Variants in KDM4C observed in about 807,000 individuals in gnomAD.
KDM4C encodes the protein lysine demethylase 4C, also known as lysine-specific demethylase 4C.
Under a neutral mutation model 129.3 loss-of-function variants are expected in KDM4C, and 81 were observed. The observed-to-expected ratio is 0.63, with a 90% confidence interval of 0.52 to 0.75. KDM4C has a LOEUF of 0.75. Ranked by LOEUF, KDM4C falls within the 30% of genes least tolerant of loss-of-function variation. KDM4C has a pLI of 0.00. For missense variants in KDM4C, 1,457 were observed against 1,304.0 expected (o/e 1.12, Z -1.81); for synonymous variants, 573 against 456.1 (o/e 1.26, Z -3.26).
rs1036656379 is a variant in KDM4C at position 7,046,502 on chromosome 9, G to A, written c.2260-360G>A. ...AGCACAAGGCTACACCGTCGTGTGT[G>A]CATTCTCTGCTCTAGAATTCTTGCA... On this transcript the variant is annotated intron_variant, in intron 15 of 21. Coordinates refer to ENST00000381309, the MANE Select transcript of KDM4C (RefSeq NM_015061.6). 3.3e-5 allele frequency among the ~76,000 whole-genome samples: 5 copies of A among 152,088 alleles called. No homozygotes were observed. The East Asian group carries it at 7.8e-4, about 24-fold the overall frequency.
At position 7,133,490 on chromosome 9, in the gene KDM4C, A is replaced by T. The variant is rs188445153; in HGVS notation, c.2781+5254A>T. ...TGTTATTTCAGTGGCTTTCTGTAAC[A>T]AACCCTGCTCCAGAGTAAGTTCACA... On this transcript the variant is annotated intron_variant, in intron 19 of 21. Coordinates refer to ENST00000381309, the MANE Select transcript of KDM4C (RefSeq NM_015061.6). Among the ~76,000 whole-genome samples, 8 of 152,316 alleles carry T rather than the reference A, an allele frequency of 5.3e-5. No individual in the cohort carries two copies. In the East Asian group the frequency reaches 1.5e-3, roughly 29 times the overall value.
chr9:7,130,646 C>G (rs1840521854), intron 19 of KDM4C, among the ~76,000 whole-genome samples: 1 of 152,222 alleles, frequency 6.6e-6, no homozygotes, highest in South Asian at 2.1e-4. Flanking sequence ...TGCATATGCC[C>G]ATGTGGCCAC....
intron 19 of KDM4C, among the ~76,000 whole-genome samples, chr9:7,130,925 A>ATTT (rs111274021): frequency 5.1e-4 from 73 of 142,644 alleles, no homozygotes; most frequent in African/African-American, 1.8e-3. Flanking sequence ...TGCCTGGCTA[A>ATTT]TTTTTTTTTT....
chr9:6,756,106 A>G (rs572578094), upstream of KDM4C, among the ~76,000 whole-genome samples: 9 of 152,308 alleles, frequency 5.9e-5, no homozygotes, highest in South Asian at 1.9e-3. Context: ...GGTGCACAAG[A>G]TTTCTAATAT....
At chr9:6,935,567 G>A (rs560374588) in intron 8 of KDM4C, among the ~76,000 whole-genome samples, 7 of 149,488 alleles carry the variant, frequency 4.7e-5, no homozygotes, top group South Asian at 2.2e-4. Flanking sequence ...ACAGGTGCGC[G>A]CCACCACGCC....
intron 17 of KDM4C, among the ~76,000 whole-genome samples, chr9:7,097,340 T>C (rs1331095527): frequency 6.6e-6 from 1 of 152,106 alleles, no homozygotes; most frequent in Non-Finnish European, 1.5e-5. Context: ...ACAGAAAACT[T>C]TGAGAGAAAC....
chr9:6,853,467 T>A (rs905740261), intron 5 of KDM4C, among the ~76,000 whole-genome samples: 3 of 152,046 alleles, frequency 2.0e-5, no homozygotes, highest in African/African-American at 7.2e-5. Context: ...CATTCCAGCC[T>A]GGACAACGGA....
intron 7 of KDM4C, among the ~76,000 whole-genome samples, chr9:6,891,554 T>C (rs1279971736): frequency 6.6e-6 from 1 of 152,140 alleles, no homozygotes; most frequent in East Asian, 1.9e-4. Context: ...GGGTTTCTTT[T>C]TGAGGTGATA....
At chr9:6,817,397 G>A (rs1832317740) in intron 4 of KDM4C, among the ~76,000 whole-genome samples, 1 of 151,850 alleles carries the variant, frequency 6.6e-6, no homozygotes, top group African/African-American at 2.4e-5. Context: ...TAAAGACAGG[G>A]TCTTCCTATG....
At chr9:6,862,402 GT>G (rs775753923) in intron 5 of KDM4C, among the ~76,000 whole-genome samples, 60 of 152,150 alleles carry the variant, frequency 3.9e-4, no homozygotes, top group Middle Eastern at 3.4e-3. Context: ...CAGTTTGCAT[GT>G]TACTTGTAGT....
At chr9:6,929,407 A>G (rs1441197616) in intron 8 of KDM4C, among the ~76,000 whole-genome samples, 1 of 151,662 alleles carries the variant, frequency 6.6e-6, no homozygotes, top group Non-Finnish European at 1.5e-5. Context: ...AATATCAGCT[A>G]ACATTTGAGA....
chr9:6,893,898 A>G (rs749198130), intron 8 of KDM4C, among the ~76,000 whole-genome samples: 27 of 152,226 alleles, frequency 1.8e-4, no homozygotes, highest in Non-Finnish European at 3.7e-4. Context: ...GACATCTTCA[A>G]AGTGATGGTG....
intron 1 of KDM4C, among the ~76,000 whole-genome samples, chr9:6,733,012 CA>C (rs1817404046): frequency 6.7e-6 from 1 of 149,670 alleles, no homozygotes; most frequent in Non-Finnish European, 1.5e-5. Flanking sequence ...GACTCCGTCT[CA>C]AAAAATAAAA....
At chr9:7,034,123 A>ATAATTGTACATATTCATGGGGTACC (rs1564016979) in intron 15 of KDM4C, among the ~76,000 whole-genome samples, 1 of 151,950 alleles carries the variant, frequency 6.6e-6, no homozygotes, top group African/African-American at 2.4e-5. Context: ...CATGGGGTAC[A>ATAATTGTACATATTCATGGGGTACC]CAGTGGTGTT....
At chr9:6,845,368 C>T (rs1349954130) in intron 4 of KDM4C, among the ~76,000 whole-genome samples, 1 of 152,144 alleles carries the variant, frequency 6.6e-6, no homozygotes, top group African/African-American at 2.4e-5. Context: ...GCGTGAGGCA[C>T]CACACCTGGC....
chr9:6,923,537 A>G (rs1208786588), intron 8 of KDM4C, among the ~76,000 whole-genome samples: 2 of 152,202 alleles, frequency 1.3e-5, no homozygotes, highest in East Asian at 3.9e-4. Context: ...GAAGGTGCAA[A>G]CTTTTACTTT....
chr9:6,830,741 A>G (rs943219734), intron 4 of KDM4C, among the ~76,000 whole-genome samples: 1 of 152,256 alleles, frequency 6.6e-6, no homozygotes, highest in African/African-American at 2.4e-5. Flanking sequence ...AAATGAGGCC[A>G]CTGGAAGTAC....
intron 5 of KDM4C, among the ~76,000 whole-genome samples, chr9:6,850,638 C>G (rs1209220409): frequency 1.3e-5 from 2 of 151,882 alleles, no homozygotes; most frequent in Non-Finnish European, 2.9e-5. Flanking sequence ...CACCATGTTG[C>G]CCAGGCTGGT....
intron 2 of KDM4C, 138 bp from the exon 3 acceptor site, chr9:6,805,461 C>T (rs1311330429): frequency 3.4e-6 from 2 of 594,592 alleles, no homozygotes; most frequent in African/African-American, 4.2e-5. Context: ...TGCAAATATT[C>T]ATCTTTTTTT....
Sources: allele counts gnomAD v4.1 joint callset (sites outside exome capture counted in the v4.1 genomes callset), GRCh38; gene constraint gnomAD v4.1.1; transcripts MANE v1.5; gene names NCBI Gene and HGNC (gene_info 2026-07-23, HGNC 2026-07-21).